Variants in C1orf94 observed in about 807,000 individuals in gnomAD.
C1orf94 encodes the protein uncharacterized protein C1orf94.
C1orf94 carries 45 observed loss-of-function variants against 53.6 expected under a neutral mutation model. That is an observed-to-expected ratio of 0.84 (90% CI 0.66 to 1.08). The LOEUF is 1.08. C1orf94 is among the 50% of genes least tolerant of loss of function. C1orf94 has a pLI of 0.00. For synonymous variants in C1orf94, 304 were observed against 296.1 expected (o/e 1.03, Z -0.27); for missense variants, 762 against 738.9 (o/e 1.03, Z -0.36).
intron 5 of C1orf94, among the ~76,000 whole-genome samples, chr1:34,211,539 C>T (rs1295619712): frequency 6.6e-6 from 1 of 152,174 alleles, no homozygotes; most frequent in Non-Finnish European, 1.5e-5. Context: ...TAGACTCACA[C>T]TGTCTACTAT....
At position 34,177,900 on chromosome 1, in the gene C1orf94, G is replaced by A; in HGVS notation, c.111G>A (p.Val37=). 1 of 1,551,690 alleles carries A rather than the reference G, an allele frequency of 6.4e-7. No homozygotes were observed. Among genetic ancestry groups the A allele is most frequent in the Non-Finnish European group, 8.7e-7 (1 of 1,146,978 alleles). ...GGCTTCCTTCATCCTCGGCCCTGGT[G>A]GCCAAGGGCCCCTGCGCCCTGGGCC... ...GNGLPSSSAL[V]AKGPCALGPF... The change falls in exon 1 of 7, where the codon GTG becomes GTA. Residue 37 remains valine (V), a synonymous_variant. Transcript: ENST00000488417.
chr1:34,200,850 A>G lies in C1orf94; in HGVS notation c.1088A>G (p.Asp363Gly), dbSNP rs759312025. ...AGCCAGTGGCCCCAGAGCCAGAAGG[A>G]CGCCTGTGGTGAGGAGGGTTGCTGT... is the stretch of plus-strand genomic sequence containing the variant. ...FLSQWPQSQK[D>G]ACGEEGCCDA... Residue 363 changes from aspartate (D) to glycine (G), a missense_variant, in exon 3 of 7, where the codon GAC becomes GGC. Physicochemically the swap from Asp to Gly is moderately conservative, Grantham distance 94. Transcript: ENST00000488417. The G allele has an allele frequency of 1.2e-6, 2 of 1,614,156 alleles. No homozygotes were observed. Among genetic ancestry groups the G allele is most frequent in the Non-Finnish European group, 1.7e-6 (2 of 1,180,014 alleles).
intron 6 of C1orf94, among the ~76,000 whole-genome samples, chr1:34,217,077 T>C (rs912195256): frequency 6.6e-6 from 1 of 152,082 alleles, no homozygotes; most frequent in Non-Finnish European, 1.5e-5. Context: ...AAGACTCTGT[T>C]TCAAATAAAT....
At chr1:34,198,338 A>G (rs1455819372) in intron 2 of C1orf94, among the ~76,000 whole-genome samples, 1 of 152,110 alleles carries the variant, frequency 6.6e-6, no homozygotes, top group African/African-American at 2.4e-5. Context: ...CATCTATCTC[A>G]TGGAGGTACC....
upstream of C1orf94, among the ~76,000 whole-genome samples, chr1:34,171,995 G>A (rs765509453): frequency 2.6e-5 from 4 of 152,190 alleles, no homozygotes; most frequent in Admixed American, 6.5e-5. Flanking sequence ...TAATCTGAAA[G>A]CTGCCTCAAA....
At chr1:34,174,214 T>C (rs1246066294), upstream of C1orf94, among the ~76,000 whole-genome samples, 2 of 152,234 alleles carry the variant, frequency 1.3e-5, no homozygotes, top group African/African-American at 4.8e-5. Context: ...TCTCCCTCTC[T>C]ACACAAAACA....
upstream of C1orf94, among the ~76,000 whole-genome samples, chr1:34,173,623 C>G (rs992900025): frequency 2.6e-5 from 4 of 152,110 alleles, no homozygotes; most frequent in African/African-American, 9.7e-5. Flanking sequence ...ATTAGCCAAG[C>G]TATTATAAGC....
At chr1:34,208,256 C>T (rs1303895951) in intron 5 of C1orf94, 22 bp downstream of exon 5, 1 of 1,610,376 alleles carries the variant, frequency 6.2e-7, no homozygotes, top group Non-Finnish European at 8.5e-7. Flanking sequence ...ATCTCTCCTC[C>T]TCTGTCCTGG....
intron 4 of C1orf94, among the ~76,000 whole-genome samples, chr1:34,205,025 G>A (rs962042439): frequency 5.9e-5 from 9 of 152,212 alleles, no homozygotes; most frequent in Admixed American, 2.0e-4. Flanking sequence ...AGAGCTCACC[G>A]TGTAAAACTA....
At position 34,209,648 on chromosome 1, in the gene C1orf94, C is replaced by T. The variant is rs1259640414; in HGVS notation, c.1524+1414C>T. Among the ~76,000 whole-genome samples, 3 of 152,198 alleles carry T rather than the reference C, an allele frequency of 2.0e-5. No individual in the cohort carries two copies. The East Asian group carries it at 5.8e-4, about 29-fold the overall frequency. On this transcript the variant is annotated intron_variant, in intron 5 of 6. Coordinates refer to ENST00000488417, the MANE Select transcript of C1orf94 (RefSeq NM_001134734.2). Reference sequence around the variant, plus strand: ...CTGACCTGAAATGTGTTAGAATGTTCGGGAGGGTAGGGAAGAGCCTGCAGG... The same window carrying T: ...CTGACCTGAAATGTGTTAGAATGTTTGGGAGGGTAGGGAAGAGCCTGCAGG...
At position 34,183,335 on chromosome 1, in the gene C1orf94, A is replaced by T. The variant is rs143644899; in HGVS notation, c.320+5226A>T. Among the ~76,000 whole-genome samples, 112 of 152,374 alleles carry T rather than the reference A, an allele frequency of 7.4e-4. No homozygotes were observed. The East Asian group carries it at 0.013, about 18-fold the overall frequency. On this transcript the variant is annotated intron_variant, in intron 1 of 6. Coordinates refer to ENST00000488417, the MANE Select transcript of C1orf94 (RefSeq NM_001134734.2). ...CTAATCTCTAAAACTTCAAAGCCTCAGAATGAGGTCTTTGGATTTGCTGTT... is the reference window on the plus strand; with the variant it reads ...CTAATCTCTAAAACTTCAAAGCCTCTGAATGAGGTCTTTGGATTTGCTGTT...
chr1:34,203,989 T>C (rs1308826401), intron 4 of C1orf94, among the ~76,000 whole-genome samples: 1 of 152,158 alleles, frequency 6.6e-6, no homozygotes, highest in Non-Finnish European at 1.5e-5. Context: ...TCCAGAATTG[T>C]ATGTCATTGT....
intron 1 of C1orf94, among the ~76,000 whole-genome samples, chr1:34,180,044 G>A (rs936012193): frequency 1.3e-5 from 2 of 152,304 alleles, no homozygotes; most frequent in East Asian, 1.9e-4. Flanking sequence ...AATAAAGGCG[G>A]TGTGCTGGTG....
chr1:34,202,815 A>G (rs1301635041), intron 4 of C1orf94, among the ~76,000 whole-genome samples: 1 of 152,224 alleles, frequency 6.6e-6, no homozygotes, highest in African/African-American at 2.4e-5. Context: ...AGCCCTCTGT[A>G]TCCATGGGTT....
rs974537137 is a variant in C1orf94 at position 34,187,725 on chromosome 1, C to T, written c.321-9500C>T. ...AAGACTCTTTATTGCTGTATTTATT[C>T]CCTGGTATTTCCTGTCTCATTCCCC... On this transcript the variant is annotated intron_variant, in intron 1 of 6. Coordinates refer to ENST00000488417, the MANE Select transcript of C1orf94 (RefSeq NM_001134734.2). Among the ~76,000 whole-genome samples, 8 of 150,978 alleles carry T rather than the reference C, an allele frequency of 5.3e-5. No individual in the cohort carries two copies. The South Asian group carries it at 8.4e-4, about 16-fold the overall frequency.
At position 34,212,218 on chromosome 1, in the gene C1orf94, A is replaced by G. The variant is rs758778448; in HGVS notation, c.1533A>G (p.Pro511=). 1.9e-6 allele frequency: 3 copies of G among 1,610,374 alleles called. No homozygotes were observed. The highest frequency in any genetic ancestry group is 2.5e-6 in the Non-Finnish European group (3 of 1,178,102). The change falls in exon 6 of 7, where the codon CCA becomes CCG. Residue 511 remains proline, a synonymous_variant. Transcript: ENST00000488417. ...QLGCYSQQVM[P]YNPQQMGQQI... is the part of the protein sequence containing the mutation. The stretch of plus-strand genomic sequence containing the variant: ...TTCTCTGTGATGTGCAGGTGATGCC[A>G]TACAACCCACAGCAGATGGGACAGC...
rs1642242178 is a variant in C1orf94, at chr1:34,177,252, G to T, written c.-538G>T. On this transcript the variant is annotated 5_prime_UTR_variant, in exon 1 of 7. Transcript: ENST00000488417. ...CTGGGCCGGGGGTGGGAGTCGGGCCGTTGACGCTCGCTCTGCGAGGGGCTC... is the reference window on the plus strand; with the variant it reads ...CTGGGCCGGGGGTGGGAGTCGGGCCTTTGACGCTCGCTCTGCGAGGGGCTC... 6.6e-6 allele frequency among the ~76,000 whole-genome samples: 1 copy of T among 152,228 alleles called. No homozygotes were observed. The highest frequency in any genetic ancestry group is 1.5e-5 in the Non-Finnish European group (1 of 68,028).
At chr1:34,199,782 C>G (rs750418057) in intron 2 of C1orf94, among the ~76,000 whole-genome samples, 1 of 152,172 alleles carries the variant, frequency 6.6e-6, no homozygotes, top group Non-Finnish European at 1.5e-5. Flanking sequence ...AATCTTGTCC[C>G]TGCTCCACAC....
At position 34,197,124 on chromosome 1, in the gene C1orf94, G is replaced by A; in HGVS notation, c.321-101G>A. 2 of 1,081,854 alleles carry A rather than the reference G, an allele frequency of 1.8e-6. No individual in the cohort carries two copies. Among genetic ancestry groups the A allele is most frequent in the Non-Finnish European group, 2.6e-6 (2 of 762,506 alleles). The allele number at this position is 1,081,854 out of a possible 1,614,324, so 67.0% of individuals were successfully genotyped here. ...TTGCCTGGAAGTGTGTTTTTGTCATGTTATGCATCCATCTCCCTTTTCTGG... is the reference window on the plus strand; with the variant it reads ...TTGCCTGGAAGTGTGTTTTTGTCATATTATGCATCCATCTCCCTTTTCTGG... On this transcript the variant is annotated intron_variant, in intron 1 of 6. Coordinates refer to ENST00000488417, the MANE Select transcript of C1orf94 (RefSeq NM_001134734.2). The surrounding 1 kb of genome is among the most constrained non-coding windows in gnomAD (Gnocchi z 4.1).
Sources: allele counts gnomAD v4.1 joint callset (sites outside exome capture counted in the v4.1 genomes callset), GRCh38; gene constraint gnomAD v4.1.1; non-coding constraint Gnocchi (gnomAD v3.1); transcripts MANE v1.5; gene names NCBI Gene and HGNC (gene_info 2026-07-23, HGNC 2026-07-21).